MYO18B: variants seen among roughly 807,000 people sequenced by gnomAD.
The protein encoded by MYO18B is myosin XVIIIB, also known as unconventional myosin-XVIIIb.
Under a neutral mutation model 273.0 loss-of-function variants are expected in MYO18B, and 204 were observed. That is an observed-to-expected ratio of 0.75 (90% CI 0.67 to 0.84). The LOEUF (loss-of-function observed/expected upper bound fraction) is 0.84, where lower values mean the gene tolerates loss of function less well. Ranked by LOEUF, MYO18B falls within the 40% of genes least tolerant of loss-of-function variation. The pLI, the probability that MYO18B is intolerant of heterozygous loss-of-function variation, is 0.00. For synonymous variants in MYO18B, 1,330 were observed against 1,305.7 expected (o/e 1.02, Z -0.40); for missense variants, 3,212 against 3,287.6 (o/e 0.98, Z 0.56).
chr22:25,995,806 T>C (rs1395376351), intron 40 of MYO18B, among the ~76,000 whole-genome samples: 3 of 152,208 alleles, frequency 2.0e-5, no homozygotes, highest in Non-Finnish European at 2.9e-5. Context: ...GAATTCTTTC[T>C]TTCTCACTTT....
intron 34 of MYO18B, among the ~76,000 whole-genome samples, chr22:25,925,692 G>T (rs896875768): frequency 1.5e-4 from 22 of 148,932 alleles, no homozygotes; most frequent in African/African-American, 5.2e-4. Flanking sequence ...ATCACCTGGG[G>T]TCAGGAGTTT....
Position 25,798,054 on chromosome 22 carries a change from C to G in MYO18B, c.2478C>G (p.Val826=), listed in dbSNP as rs748284928. The G allele has an allele frequency of 1.9e-5, 31 of 1,611,834 alleles. No homozygotes were observed. The highest frequency in any genetic ancestry group is 2.5e-5 in the Non-Finnish European group (29 of 1,178,192). Residue 826 remains valine, a synonymous_variant, in exon 12 of 44, where the codon GTC becomes GTG. Transcript: ENST00000335473. ...SESEQRAVWR[V]LAAIYHLGAA... The stretch of plus-strand genomic sequence containing the variant: ...GCGAGCAGCGGGCTGTTTGGCGGGT[C>G]CTGGCAGCCATCTACCACCTGGGTG...
chr22:25,834,833 G>T (rs934040777), intron 16 of MYO18B, among the ~76,000 whole-genome samples: 1 of 152,092 alleles, frequency 6.6e-6, no homozygotes, highest in African/African-American at 2.4e-5. Flanking sequence ...TCCTCCCCAA[G>T]ATTTTAGTTT....
chr22:25,907,911 G>T (rs2092077671), intron 31 of MYO18B, among the ~76,000 whole-genome samples: 1 of 151,980 alleles, frequency 6.6e-6, no homozygotes, highest in Admixed American at 6.5e-5. Flanking sequence ...GCACATGCCT[G>T]TAATCCCAGC....
chr22:26,015,588 G>A (rs151322908), intron 42 of MYO18B, among the ~76,000 whole-genome samples: 61 of 152,208 alleles, frequency 4.0e-4, no homozygotes, highest in African/African-American at 1.3e-3. Flanking sequence ...CTTATAAGTG[G>A]GAGCTAAATT....
intron 12 of MYO18B, among the ~76,000 whole-genome samples, chr22:25,802,134 C>T (rs9637321): frequency 0.067 from 10,163 of 152,298 alleles, 590 homozygotes; most frequent in East Asian, 0.21. Context: ...GTGGCTTTTA[C>T]ATAGTGAGTT....
intron 17 of MYO18B, among the ~76,000 whole-genome samples, chr22:25,838,483 C>G (rs1366951632): frequency 6.6e-6 from 1 of 152,162 alleles, no homozygotes; most frequent in Non-Finnish European, 1.5e-5. Flanking sequence ...TACACACACA[C>G]AGTCATGCAC....
At chr22:25,838,899 A>T (rs1048002440) in intron 17 of MYO18B, among the ~76,000 whole-genome samples, 1 of 151,718 alleles carries the variant, frequency 6.6e-6, no homozygotes, top group African/African-American at 2.4e-5. Context: ...ATCTGTGTCT[A>T]TATGTGTATG....
intron 20 of MYO18B, among the ~76,000 whole-genome samples, chr22:25,850,802 G>A (rs1264274819): frequency 6.6e-6 from 1 of 152,044 alleles, no homozygotes; most frequent in Non-Finnish European, 1.5e-5. Flanking sequence ...CCCTGTTCTA[G>A]GTCTTGTCTG....
chr22:25,860,278 A>C (rs1297832394), intron 21 of MYO18B, among the ~76,000 whole-genome samples: 1 of 148,260 alleles, frequency 6.7e-6, no homozygotes, highest in African/African-American at 2.6e-5. Flanking sequence ...TGTCTTTTCA[A>C]AGGACAAACT....
chr22:25,882,712 A>G (rs695317), intron 25 of MYO18B, among the ~76,000 whole-genome samples: 107,244 of 152,006 alleles, frequency 0.71, 38,412 homozygotes, highest in African/African-American at 0.83. Flanking sequence ...TTCCAGTGCT[A>G]CTACTGGTTT....
intron 42 of MYO18B, among the ~76,000 whole-genome samples, chr22:26,021,870 C>T (rs1383875855): frequency 6.6e-6 from 1 of 152,336 alleles, no homozygotes; most frequent in Admixed American, 6.5e-5. Context: ...CAGCACAGCA[C>T]CTGGCGCACA....
At position 25,903,639 on chromosome 22, in the gene MYO18B, G is replaced by A. The variant is rs2146348017; in HGVS notation, c.4956G>A (p.Glu1652=). The change falls in exon 31 of 44, where the codon GAG becomes GAA. Residue 1652 remains glutamate, a synonymous_variant. Transcript: ENST00000335473. ...CCTCTTTGTCTCTGTAGCAAAAGGAGCAGGAAGCCTCACAGCTGAAGCAGC... is the reference window on the plus strand; with the variant it reads ...CCTCTTTGTCTCTGTAGCAAAAGGAACAGGAAGCCTCACAGCTGAAGCAGC... ...GQLQQQLKQK[E]QEASQLKQQV... 6.2e-7 allele frequency: 1 copy of A among 1,604,404 alleles called. No individual in the cohort carries two copies.
intron 33 of MYO18B, among the ~76,000 whole-genome samples, chr22:25,917,605 A>G (rs528596904): frequency 6.8e-6 from 1 of 146,224 alleles, no homozygotes; most frequent in South Asian, 2.2e-4. Flanking sequence ...TGTTTTCTTT[A>G]AACAGCTGGA....
chr22:26,054,855 TCA>T, the MYO18B span, among the ~76,000 whole-genome samples: 2 of 152,166 alleles, frequency 1.3e-5, no homozygotes, highest in Non-Finnish European at 2.9e-5. Flanking sequence ...CCTCTGAATC[TCA>T]CTTTTCATCT....
intron 34 of MYO18B, among the ~76,000 whole-genome samples, chr22:25,925,184 A>G (rs937956138): frequency 5.9e-5 from 9 of 152,132 alleles, no homozygotes; most frequent in African/African-American, 2.2e-4. Flanking sequence ...CACATCAGAG[A>G]AGTTAAACAC....
At chr22:26,024,057 C>G (rs186232993) in intron 42 of MYO18B, among the ~76,000 whole-genome samples, 1 of 152,128 alleles carries the variant, frequency 6.6e-6, no homozygotes, top group South Asian at 2.1e-4. Context: ...TTTCTTCTTA[C>G]GGTGAGACAG....
chr22:25,755,861 G>T (rs1343716401), intron 1 of MYO18B, among the ~76,000 whole-genome samples: 1 of 152,024 alleles, frequency 6.6e-6, no homozygotes, highest in Non-Finnish European at 1.5e-5. Flanking sequence ...AGTGCTTCTT[G>T]TACAGCCTGC....
At chr22:25,796,594 TA>T (rs67767641) in intron 11 of MYO18B, among the ~76,000 whole-genome samples, 101 of 141,516 alleles carry the variant, frequency 7.1e-4, no homozygotes, top group South Asian at 4.5e-3. Context: ...AGACCCTGTC[TA>T]AAAAAAAAAA....
Sources: gnomAD v4.1 joint callset for allele counts (sites outside exome capture counted in the v4.1 genomes callset) on GRCh38, gnomAD v4.1.1 for gene constraint, MANE v1.5 for transcripts, NCBI Gene and HGNC (gene_info 2026-07-23, HGNC 2026-07-21) for gene names.